Variants in MYRFL observed in about 807,000 individuals in gnomAD.
MYRFL encodes myelin regulatory factor like.
Under a neutral mutation model 109.4 loss-of-function variants are expected in MYRFL, and 88 were observed. The ratio of observed to expected loss-of-function variants is 0.80; its 90% CI spans 0.68 to 0.96. The LOEUF (loss-of-function observed/expected upper bound fraction) is 0.96, where lower values mean the gene tolerates loss of function less well. MYRFL is among the 40% of genes least tolerant of loss of function. The pLI, the probability that MYRFL is intolerant of heterozygous loss-of-function variation, is 0.00. For synonymous variants in MYRFL, 324 were observed against 320.9 expected (o/e 1.01, Z -0.10); for missense variants, 957 against 954.9 (o/e 1.00, Z -0.03).
At chr12:69,899,064 T>G (rs548462246) in intron 10 of MYRFL, among the ~76,000 whole-genome samples, 3 of 152,178 alleles carry the variant, frequency 2.0e-5, no homozygotes, top group Admixed American at 1.3e-4. Flanking sequence ...TCACTAAATT[T>G]TTATTTCAAA....
At chr12:69,879,576 C>T in intron 4 of MYRFL, 123 bp downstream of exon 4, 2 of 595,006 alleles carry the variant, frequency 3.4e-6, no homozygotes, top group Non-Finnish European at 3.0e-6. Flanking sequence ...AGTGTTGAGA[C>T]GCGTATAGGA....
chr12:69,860,004 G>A (rs1884541419), intron 2 of MYRFL, among the ~76,000 whole-genome samples: 2 of 151,980 alleles, frequency 1.3e-5, no homozygotes, highest in African/African-American at 4.8e-5. Flanking sequence ...ATAGATAAAC[G>A]TGTGCCTAGG....
chr12:69,899,806 A>C (rs1954122980), intron 10 of MYRFL, among the ~76,000 whole-genome samples: 1 of 152,176 alleles, frequency 6.6e-6, no homozygotes, highest in East Asian at 1.9e-4. Context: ...GTTGTCAATC[A>C]AAACAGCTTT....
chr12:69,905,708 A>G (rs1954333795), intron 11 of MYRFL, among the ~76,000 whole-genome samples: 1 of 152,242 alleles, frequency 6.6e-6, no homozygotes, highest in South Asian at 2.1e-4. Flanking sequence ...TTCTATTTAT[A>G]CAAAATAAAA....
chr12:69,838,721 G>A (rs1273691733), intron 1 of MYRFL, among the ~76,000 whole-genome samples: 2 of 152,180 alleles, frequency 1.3e-5, no homozygotes, highest in Non-Finnish European at 1.5e-5. Flanking sequence ...TAGCTGTAAA[G>A]TTTCTCAAAC....
At chr12:69,869,398 C>T (rs138027231) in intron 2 of MYRFL, among the ~76,000 whole-genome samples, 2 of 152,302 alleles carry the variant, frequency 1.3e-5, no homozygotes, top group East Asian at 3.9e-4. Context: ...TGTCATGCCA[C>T]TCCGGTGGGA....
At chr12:69,827,709 A>C (rs1394965509) in intron 1 of MYRFL, among the ~76,000 whole-genome samples, 2 of 152,156 alleles carry the variant, frequency 1.3e-5, no homozygotes, top group African/African-American at 4.8e-5. Flanking sequence ...CATATAATGG[A>C]ATATTTTATG....
At chr12:69,902,533 C>A (rs1954228150) in intron 10 of MYRFL, among the ~76,000 whole-genome samples, 1 of 152,010 alleles carries the variant, frequency 6.6e-6, no homozygotes, top group African/African-American at 2.4e-5. Context: ...AGGTGCTGAG[C>A]CTGCAATGTA....
rs118153836 is a variant in MYRFL, at chr12:69,954,084, A to G, written c.2375+1198A>G. Among the ~76,000 whole-genome samples, 12 of 152,338 alleles carry G rather than the reference A, an allele frequency of 7.9e-5. No homozygotes were observed. The East Asian group carries it at 1.9e-3, about 24-fold the overall frequency. On this transcript the variant is annotated intron_variant, in intron 21 of 24. Coordinates refer to ENST00000552032, the MANE Select transcript of MYRFL (RefSeq NM_182530.3). ...TATCCCTGTTTTGTAGTTAAATTTC[A>G]GTTAAACTTGAAAAAGTTTGCCTAA... is the stretch of plus-strand genomic sequence containing the variant.
At position 69,848,445 on chromosome 12, in the gene MYRFL, T is replaced by C. The variant is rs145252929; in HGVS notation, c.47-6835T>C. Among the ~76,000 whole-genome samples the C allele has an allele frequency of 4.6e-3, 697 of 152,188 alleles. 8 individuals are homozygous for C. Among genetic ancestry groups the C allele is most frequent in the African/African-American group, 0.016 (651 of 41,568 alleles). Reference sequence around the variant, plus strand: ...CTTAATTTATTCATCTTCTCTTCATTCTATCAGAATTTTAGAGTTTCTTCT... The same window carrying C: ...CTTAATTTATTCATCTTCTCTTCATCCTATCAGAATTTTAGAGTTTCTTCT... On this transcript the variant is annotated intron_variant, in intron 1 of 24. Transcript: ENST00000552032.
chr12:69,882,319 G>GAAAA (rs72350706), intron 5 of MYRFL, among the ~76,000 whole-genome samples: 55 of 150,698 alleles, frequency 3.6e-4, no homozygotes, highest in African/African-American at 1.4e-3. Context: ...AAGAAAGAAA[G>GAAAA]AAAAAAAAGA....
At chr12:69,866,249 G>A (rs184619598) in intron 2 of MYRFL, among the ~76,000 whole-genome samples, 18 of 152,070 alleles carry the variant, frequency 1.2e-4, no homozygotes, top group African/African-American at 2.9e-4. Flanking sequence ...CAGAGTTCAC[G>A]TTCATTAAAG....
chr12:69,938,415 T>C (rs1010716000), intron 19 of MYRFL, among the ~76,000 whole-genome samples: 2 of 152,216 alleles, frequency 1.3e-5, no homozygotes, highest in African/African-American at 4.8e-5. Flanking sequence ...CAAGGGTTTC[T>C]TGACCTCTGA....
At chr12:69,947,900 A>G (rs566862590) in intron 19 of MYRFL, among the ~76,000 whole-genome samples, 1 of 152,194 alleles carries the variant, frequency 6.6e-6, no homozygotes, top group Non-Finnish European at 1.5e-5. Context: ...AAGTAGTGCA[A>G]TATACACCTT....
chr12:69,896,605 A>C (rs10879032), intron 9 of MYRFL, among the ~76,000 whole-genome samples: 48,397 of 152,184 alleles, frequency 0.32, 7,995 homozygotes, highest in African/African-American at 0.36. Context: ...CTTTGGCTAA[A>C]GTCAAGCCCA....
intron 2 of MYRFL, among the ~76,000 whole-genome samples, chr12:69,877,437 T>G (rs1885758970): frequency 1.3e-5 from 2 of 152,152 alleles, no homozygotes. Context: ...TGAGTTTTGT[T>G]TGATTGGAAA....
At chr12:69,896,283 C>T (rs11177945) in intron 9 of MYRFL, among the ~76,000 whole-genome samples, 48,357 of 151,908 alleles carry the variant, frequency 0.32, 7,990 homozygotes, top group African/African-American at 0.37. Flanking sequence ...ACTGCTTAGC[C>T]CGGTATATGA....
At chr12:69,856,652 G>T (rs1400522348) in intron 2 of MYRFL, among the ~76,000 whole-genome samples, 1 of 151,914 alleles carries the variant, frequency 6.6e-6, no homozygotes, top group Admixed American at 6.6e-5. Context: ...AATAACTAAT[G>T]ATGTTGAACA....
chr12:69,853,398 C>A (rs534762507), intron 1 of MYRFL, among the ~76,000 whole-genome samples: 1 of 145,342 alleles, frequency 6.9e-6, no homozygotes, highest in South Asian at 2.3e-4. Flanking sequence ...ACTTCTCAGA[C>A]GGGGCGGCCG....
Sources: gnomAD v4.1 joint callset for allele counts (sites outside exome capture counted in the v4.1 genomes callset) on GRCh38, gnomAD v4.1.1 for gene constraint, MANE v1.5 for transcripts, NCBI Gene and HGNC (gene_info 2026-07-23, HGNC 2026-07-21) for gene names.